RASSF5: variants seen among roughly 807,000 people sequenced by gnomAD.
RASSF5 encodes ras association domain-containing protein 5.
In RASSF5, 25 loss-of-function variants were observed where a neutral mutation model predicts 40.5. That is an observed-to-expected ratio of 0.62 (90% CI 0.45 to 0.86). The LOEUF (loss-of-function observed/expected upper bound fraction) is 0.86. Among genes scored for constraint, RASSF5 ranks in the 40% least tolerant of loss-of-function variants. The pLI, the probability that RASSF5 is intolerant of heterozygous loss-of-function variation, is 0.00. For synonymous variants in RASSF5, 246 were observed against 252.4 expected (o/e 0.97, Z 0.24); for missense variants, 521 against 572.8 (o/e 0.91, Z 0.92).
chr1:206,575,003 G>T (rs1473574309), intron 2 of RASSF5, among the ~76,000 whole-genome samples: 4 of 150,700 alleles, frequency 2.7e-5, no homozygotes, highest in African/African-American at 9.7e-5. Flanking sequence ...GGGATTACAG[G>T]CGCACGGATA....
At chr1:206,576,516 A>G (rs1668665165) in intron 2 of RASSF5, among the ~76,000 whole-genome samples, 1 of 152,230 alleles carries the variant, frequency 6.6e-6, no homozygotes, top group Admixed American at 6.5e-5. Context: ...ACAAAGGCCC[A>G]TTAACTGGTG....
Position 206,584,039 on chromosome 1 carries a change from G to T in RASSF5, c.691-348G>T, listed in dbSNP as rs1283887897. On this transcript the variant is annotated intron_variant, in intron 3 of 5. Transcript: ENST00000579436. The surrounding 1 kb of genome is among the most constrained non-coding windows in gnomAD (Gnocchi z 4.9). The stretch of plus-strand genomic sequence containing the variant: ...TATAGAGCCTTCCTGCTTCCTGCCT[G>T]GTTCAGAGGTACAAACTAGAGTGGC... Among the ~76,000 whole-genome samples, 1 of 152,168 alleles carries T rather than the reference G, an allele frequency of 6.6e-6. No homozygotes were observed. The highest frequency in any genetic ancestry group is 1.5e-5 in the Non-Finnish European group (1 of 68,024).
At chr1:206,528,730 A>G (rs1558500850) in intron 1 of RASSF5, among the ~76,000 whole-genome samples, 1 of 152,110 alleles carries the variant, frequency 6.6e-6, no homozygotes. Flanking sequence ...TGTTCCAAAA[A>G]AGTCTATTTT....
In RASSF5 at chr1:206,507,839, C is replaced by G; in HGVS notation, c.237C>G (p.Pro79=). The change falls in exon 1 of 6, where the codon CCC becomes CCG. Residue 79 remains proline (P), a synonymous_variant. Transcript: ENST00000579436. ...AGCCCCCGCCCCGGGCCTCCCGACCCGCTCGCCCGCTCCGGCCTGGTCTGC... is the reference window on the plus strand; with the variant it reads ...AGCCCCCGCCCCGGGCCTCCCGACCGGCTCGCCCGCTCCGGCCTGGTCTGC... The part of the protein sequence containing the change: ...NLEPPPRASR[P]ARPLRPGLQQ... 6.9e-7 allele frequency: 1 copy of G among 1,446,716 alleles called. No individual in the cohort carries two copies. The highest frequency in any genetic ancestry group is 9.0e-7 in the Non-Finnish European group (1 of 1,106,242). 89.6% of individuals were successfully genotyped at this position (1,446,716 alleles called of 1,614,324 possible). A position where few individuals can be genotyped will look rare whatever the true frequency, so the allele number is the denominator to read the frequency against.
Position 206,524,140 on chromosome 1 carries a change from T to A in RASSF5, c.458-14032T>A, listed in dbSNP as rs1309090737. On this transcript the variant is annotated intron_variant, in intron 1 of 5. Transcript: ENST00000579436. ...TATATTATAGATACCATATGTAATA[T>A]ACTTTATATATAATATAGATACCAT... Among the ~76,000 whole-genome samples the A allele has an allele frequency of 1.0e-3, 134 of 134,314 alleles. 1 individual carries two copies. The highest frequency in any genetic ancestry group is 3.4e-3 in the African/African-American group (126 of 36,666). 88.1% of individuals were successfully genotyped at this position (134,314 alleles called of 152,430 possible).
intron 1 of RASSF5, among the ~76,000 whole-genome samples, chr1:206,533,996 G>A (rs1256081426): frequency 6.6e-6 from 1 of 152,192 alleles, no homozygotes; most frequent in Non-Finnish European, 1.5e-5. Context: ...TCAGAAGCCA[G>A]AAAGAGGCAA....
chr1:206,521,902 G>A lies in RASSF5; in HGVS notation c.457+13843G>A, dbSNP rs142776303. Among the ~76,000 whole-genome samples, 18 of 152,336 alleles carry A rather than the reference G, an allele frequency of 1.2e-4. No individual in the cohort carries two copies. The East Asian group carries it at 3.5e-3, about 29-fold the overall frequency. Reference sequence around the variant, plus strand: ...AGAGCAAAGTGACACATGCCTAGACGAGGGGCCCCTCCTGAGCAGGCCTGG... The same window carrying A: ...AGAGCAAAGTGACACATGCCTAGACAAGGGGCCCCTCCTGAGCAGGCCTGG... On this transcript the variant is annotated intron_variant, in intron 1 of 5. Transcript: ENST00000579436.
intron 2 of RASSF5, among the ~76,000 whole-genome samples, chr1:206,554,271 G>C (rs957236317): frequency 2.6e-5 from 4 of 152,182 alleles, no homozygotes; most frequent in African/African-American, 9.7e-5. Flanking sequence ...ACCATATCAA[G>C]CTGGAGTTGG....
At chr1:206,557,198 G>A in intron 2 of RASSF5, 6 of 1,039,636 alleles carry the variant, frequency 5.8e-6, no homozygotes, top group Non-Finnish European at 6.9e-6. Flanking sequence ...GAAAGGCGCG[G>A]GAGGCGGGGG....
intron 2 of RASSF5, among the ~76,000 whole-genome samples, chr1:206,573,871 T>A (rs750644264): frequency 2.6e-5 from 4 of 152,178 alleles, no homozygotes; most frequent in Non-Finnish European, 4.4e-5. Flanking sequence ...AATCGGAGTC[T>A]TAGTGAGGTG....
Position 206,534,579 on chromosome 1 carries a change from C to T in RASSF5, c.458-3593C>T, listed in dbSNP as rs559050118. Among the ~76,000 whole-genome samples the T allele has an allele frequency of 2.6e-5, 4 of 152,214 alleles. No homozygotes were observed. The South Asian group carries it at 8.3e-4, about 32-fold the overall frequency. On this transcript the variant is annotated intron_variant, in intron 1 of 5. Coordinates refer to ENST00000579436, the MANE Select transcript of RASSF5 (RefSeq NM_182663.4). ...GAGTCTCATCTCCTCTGGAAGCTCC[C>T]CAGAGCTGCCTGCACCCTGAAGCCC...
intron 1 of RASSF5, among the ~76,000 whole-genome samples, chr1:206,525,404 G>A (rs143656420): frequency 0.012 from 1,806 of 152,184 alleles, 30 homozygotes; most frequent in Non-Finnish European, 0.017. Context: ...CCAGGTTCCA[G>A]AAAGAATTTT....
In RASSF5 at chr1:206,586,984, C is replaced by G. The variant is rs1553407805; in HGVS notation, c.*6C>G. 1 of 1,614,014 alleles carries G rather than the reference C, an allele frequency of 6.2e-7. No homozygotes were observed. The highest frequency in any genetic ancestry group is 8.5e-7 in the Non-Finnish European group (1 of 1,179,942). On this transcript the variant is annotated 3_prime_UTR_variant, in exon 6 of 6. Coordinates refer to ENST00000579436, the MANE Select transcript of RASSF5 (RefSeq NM_182663.4). ...CCCAGGGCAAACCTGGGTAACCGGT[C>G]CTGCTTCCTCTCCTCCTGGTGCATT...
In RASSF5 at chr1:206,508,026, CGAG is replaced by C; in HGVS notation, c.425_427del (p.Arg142_Glu143delinsGln). 6 of 1,437,668 alleles carry C rather than the reference CGAG, an allele frequency of 4.2e-6. No individual in the cohort carries two copies. The highest frequency in any genetic ancestry group is 5.5e-6 in the Non-Finnish European group (6 of 1,095,410). The allele number at this position is 1,437,668 out of a possible 1,614,324, so 89.1% of individuals were successfully genotyped here. On this transcript the variant is annotated inframe_deletion, in exon 1 of 6. Transcript: ENST00000579436. ...CCCCGGCTGGTGTGACCTGTGCGGA[CGAG>C]AGGTGCTGCGGCAGGCGCTGCGCTG...
At chr1:206,522,884 A>G (rs1196993611) in intron 1 of RASSF5, among the ~76,000 whole-genome samples, 2 of 152,216 alleles carry the variant, frequency 1.3e-5, no homozygotes, top group Non-Finnish European at 2.9e-5. Context: ...TAAAAAATTT[A>G]AAATGGTTTA....
chr1:206,534,852 G>C (rs1553398441), intron 1 of RASSF5, among the ~76,000 whole-genome samples: 1 of 152,164 alleles, frequency 6.6e-6, no homozygotes, highest in East Asian at 1.9e-4. Context: ...GATGGCACTA[G>C]CTGCCCAGGG....
intron 2 of RASSF5, among the ~76,000 whole-genome samples, chr1:206,572,185 C>T (rs71633592): frequency 6.6e-6 from 1 of 151,870 alleles, no homozygotes; most frequent in East Asian, 1.9e-4. Flanking sequence ...AGGGTGCATG[C>T]GTGTTACTGC....
intron 2 of RASSF5, among the ~76,000 whole-genome samples, chr1:206,548,219 T>C (rs1667746672): frequency 6.6e-6 from 1 of 152,220 alleles, no homozygotes; most frequent in Admixed American, 6.5e-5. Context: ...TATGAAGGTA[T>C]ACCTGAGACT....
Position 206,507,934 on chromosome 1 carries a change from A to G in RASSF5, c.332A>G (p.Gln111Arg). The G allele has an allele frequency of 6.6e-7, 1 of 1,521,780 alleles. No homozygotes were observed. The highest frequency in any genetic ancestry group is 8.8e-7 in the Non-Finnish European group (1 of 1,142,612). 94.3% of individuals were successfully genotyped at this position (1,521,780 alleles called of 1,614,324 possible). A position where few individuals can be genotyped will look rare whatever the true frequency, so the allele number is the denominator to read the frequency against. Residue 111 changes from glutamine to arginine, a missense_variant, in exon 1 of 6, where the codon CAG (glutamine) becomes CGG (arginine). Gln to Arg is a conservative substitution (Grantham distance 43, BLOSUM62 1). Coordinates refer to ENST00000579436, the MANE Select transcript of RASSF5 (RefSeq NM_182663.4). ...GTGCGGAGCATCTTCGAGCAGCCGC[A>G]GGATCCCAGAGTCCCGGCGGAGCGA... is the stretch of plus-strand genomic sequence containing the variant. ...RDVRSIFEQP[Q>R]DPRVPAERGE...
Sources: allele counts gnomAD v4.1 joint callset (sites outside exome capture counted in the v4.1 genomes callset), GRCh38; gene constraint gnomAD v4.1.1; non-coding constraint Gnocchi (gnomAD v3.1); transcripts MANE v1.5; gene names NCBI Gene and HGNC (gene_info 2026-07-23, HGNC 2026-07-21).